DOCK10: variants seen among roughly 807,000 people sequenced by gnomAD.
DOCK10 encodes dedicator of cytokinesis protein 10.
Under a neutral mutation model 280.1 loss-of-function variants are expected in DOCK10, and 145 were observed. The observed-to-expected ratio is 0.52, with a 90% CI of 0.45 to 0.59. The LOEUF is 0.59. DOCK10 is among the 20% of genes least tolerant of loss of function. The pLI, the probability that DOCK10 is intolerant of heterozygous loss-of-function variation, is 0.00. For missense variants in DOCK10, 2,368 were observed against 2,651.7 expected (o/e 0.89, Z 2.35); for synonymous variants, 915 against 942.2 (o/e 0.97, Z 0.53).
rs142162319 is a variant in DOCK10, at chr2:224,810,336, G to A, written c.3410-2250C>T. Among the ~76,000 whole-genome samples, 388 of 152,260 alleles carry A rather than the reference G, an allele frequency of 2.5e-3. 1 individual carries two copies. The highest frequency in any genetic ancestry group is 8.8e-3 in the African/African-American group (366 of 41,542). ...AGAAAGATGGCTGCCATGGGCTGGG[G>A]AATGGGAGAAATGGGAGGTGGATTT... On this transcript the variant is annotated intron_variant, in intron 31 of 55. Transcript: ENST00000258390.
chr2:224,773,924 C>T (rs976166878), intron 52 of DOCK10, among the ~76,000 whole-genome samples: 4 of 152,234 alleles, frequency 2.6e-5, no homozygotes, highest in South Asian at 2.1e-4. Context: ...CCACCGCACC[C>T]GGCCAGCCTT....
chr2:224,912,780 C>A (rs1326762757), intron 3 of DOCK10, among the ~76,000 whole-genome samples: 2 of 152,084 alleles, frequency 1.3e-5, no homozygotes, highest in African/African-American at 4.8e-5. Context: ...AATCCCAGCA[C>A]TTTGGGAGGC....
At chr2:224,837,526 C>G (rs938781429) in intron 25 of DOCK10, among the ~76,000 whole-genome samples, 5 of 152,186 alleles carry the variant, frequency 3.3e-5, no homozygotes, top group Non-Finnish European at 5.9e-5. Context: ...TCTTTCCTCT[C>G]TCTCCCCATT....
intron 1 of DOCK10, among the ~76,000 whole-genome samples, chr2:224,957,722 C>T (rs1240945234): frequency 6.6e-6 from 1 of 152,186 alleles, no homozygotes; most frequent in African/African-American, 2.4e-5. Context: ...TCCTTCAAAT[C>T]AGTGCCCTCT....
chr2:224,805,634 G>T lies in DOCK10; in HGVS notation c.3815-105C>A. ...AAAAGATGTTGATACTGAGGTAGCA[G>T]CAGTGTTGTCAAAGACCAACATAAC... On this transcript the variant is annotated intron_variant, in intron 34 of 55. Transcript: ENST00000258390. The surrounding 1 kb of genome is among the most constrained non-coding windows in gnomAD (Gnocchi z 4.3). 1 of 1,459,628 alleles carries T rather than the reference G, an allele frequency of 6.9e-7. No individual in the cohort carries two copies. Among genetic ancestry groups the T allele is most frequent in the Non-Finnish European group, 9.3e-7 (1 of 1,070,292 alleles). The allele number at this position is 1,459,628 out of a possible 1,614,324, so 90.4% of individuals were successfully genotyped here.
intron 31 of DOCK10, 125 bp from the exon 32 acceptor site, chr2:224,808,211 C>A: frequency 1.2e-6 from 1 of 856,448 alleles, no homozygotes; most frequent in Non-Finnish European, 1.8e-6. Context: ...GGAATACAGT[C>A]TTGCTACAGA....
chr2:224,800,340 C>A (rs113081397), intron 40 of DOCK10, 77 bp from the exon 41 acceptor site: 1 of 795,256 alleles, frequency 1.3e-6, no homozygotes, highest in East Asian at 2.8e-5. Context: ...CCTTTCATTA[C>A]AATATATTCA....
intron 1 of DOCK10, among the ~76,000 whole-genome samples, chr2:224,995,986 C>G (rs1706262501): frequency 6.6e-6 from 1 of 152,184 alleles, no homozygotes; most frequent in Non-Finnish European, 1.5e-5. Flanking sequence ...ATGTTATTAA[C>G]TTCCTTGGAA....
intron 1 of DOCK10, among the ~76,000 whole-genome samples, chr2:225,006,880 A>C (rs73083781): frequency 0.062 from 9,426 of 152,270 alleles, 344 homozygotes; most frequent in Middle Eastern, 0.12. Context: ...CAGTACTAGC[A>C]GTCCTGAGGA....
intron 28 of DOCK10, among the ~76,000 whole-genome samples, chr2:224,820,528 C>T (rs1328915257): frequency 3.9e-5 from 6 of 152,198 alleles, no homozygotes; most frequent in African/African-American, 1.2e-4. Context: ...AATTCCACAG[C>T]TGGTGTGGAG....
At chr2:224,818,558 C>T (rs560128122) in intron 29 of DOCK10, among the ~76,000 whole-genome samples, 2 of 152,216 alleles carry the variant, frequency 1.3e-5, no homozygotes, top group South Asian at 2.1e-4. Flanking sequence ...CAACCACGCC[C>T]GGCTAATTTT....
chr2:224,925,739 C>T (rs1702012725), intron 2 of DOCK10, among the ~76,000 whole-genome samples: 1 of 152,192 alleles, frequency 6.6e-6, no homozygotes, highest in South Asian at 2.1e-4. Flanking sequence ...TCAGAACTTT[C>T]TTATTTATGG....
intron 52 of DOCK10, 38 bp from the exon 53 acceptor site, chr2:224,773,385 G>A (rs369275472): frequency 5.8e-6 from 9 of 1,564,866 alleles, no homozygotes; most frequent in Non-Finnish European, 7.8e-6. Flanking sequence ...CAAGGTTGAG[G>A]ATTAGTGAAG....
At chr2:225,008,167 A>G (rs978060876) in intron 1 of DOCK10, among the ~76,000 whole-genome samples, 12 of 152,140 alleles carry the variant, frequency 7.9e-5, no homozygotes, top group Non-Finnish European at 1.8e-4. Flanking sequence ...TCATTCATAA[A>G]CTTTTTATTT....
chr2:224,804,263 A>G, intron 38 of DOCK10, 50 bp from the exon 39 acceptor site: 1 of 1,111,406 alleles, frequency 9.0e-7, no homozygotes, highest in South Asian at 1.3e-5. Context: ...TGTAATTTAC[A>G]TATAAAAATG....
chr2:224,778,128 T>C lies in DOCK10; in HGVS notation c.5802+10A>G, dbSNP rs758247927. 3 of 1,611,622 alleles carry C rather than the reference T, an allele frequency of 1.9e-6. No individual in the cohort carries two copies. Among genetic ancestry groups the C allele is most frequent in the Non-Finnish European group, 2.5e-6 (3 of 1,178,512 alleles). ...TCTTAGCACTTGCATGAATACTGAT[T>C]TTCCTCTACCTTGTTGGAATCCTGG... is the stretch of plus-strand genomic sequence containing the variant. On this transcript the variant is annotated intron_variant, in intron 51 of 55. Coordinates refer to ENST00000258390, the MANE Select transcript of DOCK10 (RefSeq NM_014689.3).
chr2:224,994,690 G>T (rs562112910), intron 1 of DOCK10, among the ~76,000 whole-genome samples: 1 of 152,270 alleles, frequency 6.6e-6, no homozygotes, highest in Non-Finnish European at 1.5e-5. Context: ...ATCTTCCTCT[G>T]ACTGGTCTGT....
chr2:224,793,370 CT>C, intron 46 of DOCK10, 29 bp downstream of exon 46: 1 of 1,584,530 alleles, frequency 6.3e-7, no homozygotes, highest in African/African-American at 1.4e-5. Flanking sequence ...GATATCTAGG[CT>C]TTTTGCCTCC....
intron 1 of DOCK10, among the ~76,000 whole-genome samples, chr2:224,986,297 G>A (rs1287854147): frequency 1.3e-5 from 2 of 152,178 alleles, no homozygotes; most frequent in Admixed American, 1.3e-4. Context: ...AGCCTCAAGG[G>A]CTTTTTGGAT....
Sources: allele counts gnomAD v4.1 joint callset (sites outside exome capture counted in the v4.1 genomes callset), GRCh38; gene constraint gnomAD v4.1.1; non-coding constraint Gnocchi (gnomAD v3.1); transcripts MANE v1.5; gene names NCBI Gene and HGNC (gene_info 2026-07-23, HGNC 2026-07-21).